The following KCND2 variants were observed in gnomAD, a reference collection of about 807,000 sequenced individuals.
KCND2 encodes the protein A-type voltage-gated potassium channel KCND2.
A neutral mutation model predicts 54.4 loss-of-function variants in KCND2; 16 were observed. The ratio of observed to expected loss-of-function variants is 0.29; its 90% CI spans 0.20 to 0.45. The LOEUF is 0.45. Ranked by LOEUF, KCND2 falls within the 20% of genes least tolerant of loss-of-function variation. The probability of loss-of-function intolerance (pLI) is 1.00; values close to 1 mark genes in which losing one functional copy is unlikely to be tolerated. For missense variants in KCND2, 486 were observed against 824.2 expected (o/e 0.59, Z 5.02); for synonymous variants, 317 against 310.7 (o/e 1.02, Z -0.21).
chr7:120,568,452 G>A (rs1270824685), intron 1 of KCND2, among the ~76,000 whole-genome samples: 3 of 152,102 alleles, frequency 2.0e-5, no homozygotes, highest in South Asian at 2.1e-4. Flanking sequence ...AGAAATTAAG[G>A]GATTCTATTT....
At chr7:120,513,625 A>G (rs1182787638) in intron 1 of KCND2, among the ~76,000 whole-genome samples, 2 of 152,112 alleles carry the variant, frequency 1.3e-5, no homozygotes, top group African/African-American at 4.8e-5. Flanking sequence ...AAAGATATGA[A>G]AAAACCTTGT....
chr7:120,651,449 G>A (rs185687702), intron 1 of KCND2, among the ~76,000 whole-genome samples: 15 of 152,294 alleles, frequency 9.8e-5, no homozygotes, highest in Admixed American at 8.5e-4. Context: ...TGTGCTGTTT[G>A]CTAAGACTGT....
intron 1 of KCND2, among the ~76,000 whole-genome samples, chr7:120,708,329 TG>T (rs1446335158): frequency 4.6e-5 from 7 of 152,100 alleles, no homozygotes; most frequent in African/African-American, 1.7e-4. Flanking sequence ...TAGGTGTGCA[TG>T]AGAAGAGCTG....
intron 1 of KCND2, among the ~76,000 whole-genome samples, chr7:120,558,418 CT>C (rs1171958372): frequency 6.6e-6 from 1 of 152,118 alleles, no homozygotes; most frequent in Non-Finnish European, 1.5e-5. Flanking sequence ...AAACCTATTC[CT>C]TCTACACACA....
intron 1 of KCND2, among the ~76,000 whole-genome samples, chr7:120,609,848 GC>G (rs1472559824): frequency 6.6e-6 from 1 of 152,046 alleles, no homozygotes; most frequent in African/African-American, 2.4e-5. Flanking sequence ...TAAGCACAGG[GC>G]CCTCATAAAT....
At chr7:120,337,145 A>T (rs1277248479) in intron 1 of KCND2, among the ~76,000 whole-genome samples, 3 of 152,092 alleles carry the variant, frequency 2.0e-5, no homozygotes, top group African/African-American at 7.2e-5. Flanking sequence ...TCATTCCTTT[A>T]AAAAAAGTAT....
chr7:120,314,791 A>G (rs1799789033), intron 1 of KCND2, among the ~76,000 whole-genome samples: 1 of 152,224 alleles, frequency 6.6e-6, no homozygotes, highest in African/African-American at 2.4e-5. Flanking sequence ...TAGTCTCTAC[A>G]TAGATGTGGA....
At chr7:120,553,874 A>C (rs186753581) in intron 1 of KCND2, among the ~76,000 whole-genome samples, 2 of 152,338 alleles carry the variant, frequency 1.3e-5, no homozygotes, top group East Asian at 3.9e-4. Context: ...GGGCTTCCAT[A>C]CTAGGCATTG....
chr7:120,378,777 A>G (rs1390258209), intron 1 of KCND2, among the ~76,000 whole-genome samples: 1 of 151,960 alleles, frequency 6.6e-6, no homozygotes, highest in Admixed American at 6.6e-5. Context: ...AGAATAATTT[A>G]CTTTCTTATT....
chr7:120,411,940 A>G (rs1801456707), intron 1 of KCND2, among the ~76,000 whole-genome samples: 1 of 151,956 alleles, frequency 6.6e-6, no homozygotes, highest in African/African-American at 2.4e-5. Flanking sequence ...TTCAAGATGT[A>G]TATGTGGATG....
At chr7:120,713,492 C>T (rs987377173) in intron 1 of KCND2, among the ~76,000 whole-genome samples, 4 of 152,116 alleles carry the variant, frequency 2.6e-5, no homozygotes, top group African/African-American at 9.7e-5. Context: ...CAGTCATGTT[C>T]CTTCAAATAA....
chr7:120,325,988 T>A (rs1052844289), intron 1 of KCND2, among the ~76,000 whole-genome samples: 1 of 152,116 alleles, frequency 6.6e-6, no homozygotes, highest in Non-Finnish European at 1.5e-5. Context: ...TTGTACAAAT[T>A]GATTTTTTAA....
intron 1 of KCND2, among the ~76,000 whole-genome samples, chr7:120,563,600 G>A (rs1412336948): frequency 6.6e-6 from 1 of 152,124 alleles, no homozygotes; most frequent in African/African-American, 2.4e-5. Flanking sequence ...ACAGATGGAA[G>A]CTCAAGATTC....
At chr7:120,577,015 C>G (rs906991772) in intron 1 of KCND2, among the ~76,000 whole-genome samples, 4 of 151,978 alleles carry the variant, frequency 2.6e-5, no homozygotes, top group African/African-American at 9.7e-5. Context: ...GGTGTGGCAG[C>G]GTGCACCTGT....
intron 1 of KCND2, among the ~76,000 whole-genome samples, chr7:120,441,649 C>A (rs963291540): frequency 2.6e-5 from 4 of 152,012 alleles, no homozygotes; most frequent in African/African-American, 9.7e-5. Context: ...ATGTAACATG[C>A]AGTTAACCTG....
chr7:120,691,076 C>G (rs561695395), intron 1 of KCND2, among the ~76,000 whole-genome samples: 1 of 152,138 alleles, frequency 6.6e-6, no homozygotes, highest in Admixed American at 6.5e-5. Flanking sequence ...TGTATGGGGT[C>G]TATGAGGAAC....
chr7:120,577,953 C>T (rs1792458845), intron 1 of KCND2, among the ~76,000 whole-genome samples: 1 of 151,954 alleles, frequency 6.6e-6, no homozygotes, highest in African/African-American at 2.4e-5. Context: ...GTAATCCTAG[C>T]ACTTTGGGAA....
At chr7:120,521,094 A>C (rs1193102518) in intron 1 of KCND2, among the ~76,000 whole-genome samples, 1 of 152,176 alleles carries the variant, frequency 6.6e-6, no homozygotes, top group African/African-American at 2.4e-5. Context: ...ATTAAAGGAC[A>C]GTAGTTTTCT....
At chr7:120,399,958 T>A (rs1801222647) in intron 1 of KCND2, among the ~76,000 whole-genome samples, 1 of 152,120 alleles carries the variant, frequency 6.6e-6, no homozygotes, top group Admixed American at 6.6e-5. Context: ...ACTCCTGACC[T>A]CATGTGATTC....
Sources: gnomAD v4.1 joint callset for allele counts (sites outside exome capture counted in the v4.1 genomes callset) on GRCh38, gnomAD v4.1.1 for gene constraint, MANE v1.5 for transcripts, NCBI Gene and HGNC (gene_info 2026-07-23, HGNC 2026-07-21) for gene names.